CLTA: variants seen among roughly 807,000 people sequenced by gnomAD.
CLTA encodes clathrin, light polypeptide (Lca).
A neutral mutation model predicts 26.9 loss-of-function variants in CLTA; 9 were observed. The observed-to-expected ratio is 0.33, with a 90% confidence interval of 0.20 to 0.58. The LOEUF is 0.58. CLTA is among the 20% of genes least tolerant of loss of function. CLTA has a pLI of 0.85. For synonymous variants in CLTA, 120 were observed against 115.5 expected, an observed-to-expected ratio of 1.04 and a Z score of -0.25; for missense variants, 278 against 294.2, an observed-to-expected ratio of 0.94 and a Z score of 0.40.
chr9:36,199,809 A>G (rs1205405549), intron 3 of CLTA, among the ~76,000 whole-genome samples: 4 of 152,214 alleles, frequency 2.6e-5, no homozygotes, highest in African/African-American at 7.2e-5. Context: ...AAAATGAGGT[A>G]TGTTAGGAAA....
intron 2 of CLTA, among the ~76,000 whole-genome samples, chr9:36,198,399 G>A (rs966520058): frequency 1.3e-5 from 2 of 151,800 alleles, no homozygotes; most frequent in East Asian, 2.0e-4. Context: ...AACACAGGCC[G>A]GGCACGGTGG....
intron 1 of CLTA, among the ~76,000 whole-genome samples, chr9:36,197,153 C>G (rs1230846787): frequency 2.0e-5 from 3 of 152,106 alleles, no homozygotes; most frequent in Non-Finnish European, 4.4e-5. Flanking sequence ...CCAGCCTGGG[C>G]GACAGAGCAA....
intron 3 of CLTA, among the ~76,000 whole-genome samples, chr9:36,201,708 G>C (rs900409352): frequency 1.3e-5 from 2 of 152,182 alleles, no homozygotes; most frequent in African/African-American, 2.4e-5. Context: ...CTTACATTTT[G>C]AATTAGGTAT....
chr9:36,204,030 C>T (rs1321263843), intron 3 of CLTA, 38 bp from the exon 4 acceptor site: 2 of 1,611,666 alleles, frequency 1.2e-6, no homozygotes, highest in Non-Finnish European at 1.7e-6. Context: ...TTGCACTTTG[C>T]CTCAATTGTA....
chr9:36,191,267 G>A lies in CLTA; in HGVS notation c.211G>A (p.Gly71Ser), dbSNP rs773671483. Residue 71 changes from glycine to serine, a missense_variant, in exon 1 of 5, where the codon GGT (glycine) becomes AGT (serine). By Grantham distance (56) the Gly-to-Ser change is moderately conservative (BLOSUM62 0). Coordinates refer to ENST00000345519, the MANE Select transcript of CLTA (RefSeq NM_001833.4). The stretch of plus-strand genomic sequence containing the variant: ...CCAGCCGCACGGCGAGCCGCCGGGG[G>A]GTCCGGGTGAGAGTGCGGGCGCGTT... Reference protein sequence around the residue: ...GPQPHGEPPGGPDAVDGVMNG... With the variant: ...GPQPHGEPPGSPDAVDGVMNG... 3 of 1,523,534 alleles carry A rather than the reference G, an allele frequency of 2.0e-6. No individual in the cohort carries two copies. The highest frequency in any genetic ancestry group is 1.2e-5 in the South Asian group (1 of 82,246). 94.4% of individuals were successfully genotyped at this position (1,523,534 alleles called of 1,614,324 possible). A position where few individuals can be genotyped will look rare whatever the true frequency, so the allele number is the denominator to read the frequency against.
chr9:36,197,010 C>CA (rs1033417309), intron 1 of CLTA, among the ~76,000 whole-genome samples: 3 of 152,042 alleles, frequency 2.0e-5, no homozygotes, highest in East Asian at 1.9e-4. Context: ...CCCCTTCCTA[C>CA]AAAAAAATAG....
chr9:36,197,733 A>C (rs1827137308), intron 2 of CLTA, 145 bp downstream of exon 2: 2 of 635,176 alleles, frequency 3.1e-6, no homozygotes, highest in Admixed American at 2.8e-5. Flanking sequence ...CCAAAGTGGA[A>C]AGATTTAAAG....
intron 3 of CLTA, among the ~76,000 whole-genome samples, chr9:36,202,562 G>A (rs1404101616): frequency 1.3e-5 from 2 of 152,208 alleles, no homozygotes; most frequent in Non-Finnish European, 2.9e-5. Flanking sequence ...GGTAAGCAAA[G>A]TGTAAGCTTT....
chr9:36,193,621 A>G (rs768263750), intron 1 of CLTA, among the ~76,000 whole-genome samples: 1 of 125,944 alleles, frequency 7.9e-6, no homozygotes, highest in Non-Finnish European at 1.6e-5. Context: ...GTACTGAGTA[A>G]ATTGAGGTTT....
intron 4 of CLTA, among the ~76,000 whole-genome samples, chr9:36,206,850 G>T (rs942959259): frequency 6.6e-6 from 1 of 152,110 alleles, no homozygotes; most frequent in African/African-American, 2.4e-5. Context: ...AGCTGAGATT[G>T]CGCCACTGCA....
chr9:36,195,792 C>T (rs1826988430), intron 1 of CLTA, among the ~76,000 whole-genome samples: 1 of 151,704 alleles, frequency 6.6e-6, no homozygotes, highest in Non-Finnish European at 1.5e-5. Flanking sequence ...CATAGTGAAA[C>T]CTCGTCTCTA....
intron 4 of CLTA, among the ~76,000 whole-genome samples, chr9:36,204,746 G>A (rs1243933357): frequency 6.6e-6 from 1 of 152,160 alleles, no homozygotes; most frequent in Admixed American, 6.5e-5. Context: ...ATTTTATTTA[G>A]TTACTGATGG....
chr9:36,191,416 C>G (rs770230356), intron 1 of CLTA, 143 bp downstream of exon 1: 55 of 1,038,384 alleles, frequency 5.3e-5, no homozygotes, highest in Non-Finnish European at 6.3e-5. Flanking sequence ...GACCCTGGCC[C>G]GGTCTTTCAG....
At chr9:36,192,942 A>G (rs1414306658) in intron 1 of CLTA, among the ~76,000 whole-genome samples, 1 of 152,218 alleles carries the variant, frequency 6.6e-6, no homozygotes, top group African/African-American at 2.4e-5. Flanking sequence ...TTACTGTTTT[A>G]TCTCCACTGC....
chr9:36,202,272 G>T (rs147926485), intron 3 of CLTA, among the ~76,000 whole-genome samples: 5 of 152,154 alleles, frequency 3.3e-5, no homozygotes, highest in Middle Eastern at 6.8e-3. Context: ...CTGCTATTAG[G>T]CTTTTTCTTA....
At chr9:36,198,931 G>A (rs1476035109) in intron 2 of CLTA, 48 bp from the exon 3 acceptor site, 5 of 1,312,522 alleles carry the variant, frequency 3.8e-6, no homozygotes, top group Non-Finnish European at 4.4e-6. Context: ...GTGCATTTTA[G>A]GAAGGAATTT....
At chr9:36,203,211 T>G (rs1827522117) in intron 3 of CLTA, among the ~76,000 whole-genome samples, 1 of 152,176 alleles carries the variant, frequency 6.6e-6, no homozygotes, top group Admixed American at 6.5e-5. Flanking sequence ...CCATATTTAG[T>G]CCTCAGAAAC....
chr9:36,206,788 G>A (rs1396006614), intron 4 of CLTA, among the ~76,000 whole-genome samples: 1 of 152,040 alleles, frequency 6.6e-6, no homozygotes, highest in Non-Finnish European at 1.5e-5. Flanking sequence ...CCAGCAACTC[G>A]GGAGTCTGAG....
intron 4 of CLTA, among the ~76,000 whole-genome samples, chr9:36,209,056 T>G (rs987313773): frequency 1.1e-4 from 17 of 152,214 alleles, no homozygotes; most frequent in African/African-American, 4.1e-4. Flanking sequence ...TGCTCTGTCG[T>G]GGAGCAGTCC....
Sources: gnomAD v4.1 joint callset for allele counts (sites outside exome capture counted in the v4.1 genomes callset) on GRCh38, gnomAD v4.1.1 for gene constraint, MANE v1.5 for transcripts, NCBI Gene and HGNC (gene_info 2026-07-23, HGNC 2026-07-21) for gene names.